The following ATP8A2 variants were observed in gnomAD, a reference collection of about 807,000 sequenced individuals.
ATP8A2 encodes the protein ATPase phospholipid transporting 8A2, also known as phospholipid-transporting ATPase IB.
A neutral mutation model predicts 165.6 loss-of-function variants in ATP8A2; 100 were observed. That is an observed-to-expected ratio of 0.60 (90% confidence interval 0.51 to 0.71). The LOEUF (loss-of-function observed/expected upper bound fraction) is 0.71, where lower values mean the gene tolerates loss of function less well. Ranked by LOEUF, ATP8A2 falls within the 30% of genes least tolerant of loss-of-function variation. The pLI, the probability that ATP8A2 is intolerant of heterozygous loss-of-function variation, is 0.00. For missense variants in ATP8A2, 1,227 were observed against 1,479.5 expected, an observed-to-expected ratio of 0.83 and a Z score of 2.80; for synonymous variants, 543 against 548.8, an observed-to-expected ratio of 0.99 and a Z score of 0.15.
chr13:25,505,748 C>G (rs780377695), intron 2 of ATP8A2, among the ~76,000 whole-genome samples: 1 of 152,104 alleles, frequency 6.6e-6, no homozygotes, highest in South Asian at 2.1e-4. Flanking sequence ...CTCTACATAA[C>G]TTATTATTAT....
chr13:25,500,871 A>C (rs1254014613), intron 2 of ATP8A2, among the ~76,000 whole-genome samples: 3 of 152,180 alleles, frequency 2.0e-5, no homozygotes, highest in Admixed American at 6.5e-5. Context: ...GCCACCTGGC[A>C]CCAATATATA....
At chr13:25,536,355 A>G (rs2038285251) in intron 6 of ATP8A2, among the ~76,000 whole-genome samples, 1 of 151,436 alleles carries the variant, frequency 6.6e-6, no homozygotes, top group Non-Finnish European at 1.5e-5. Flanking sequence ...ACCTCAAGTG[A>G]TCTGCCTGCT....
At chr13:25,540,489 G>A (rs2038437353) in intron 8 of ATP8A2, 101 bp downstream of exon 8, 3 of 855,556 alleles carry the variant, frequency 3.5e-6, no homozygotes, top group East Asian at 2.5e-5. Flanking sequence ...CAGCCACAAA[G>A]GGTTATGCCT....
chr13:25,472,534 G>T (rs1211716098), intron 2 of ATP8A2, among the ~76,000 whole-genome samples: 1 of 152,092 alleles, frequency 6.6e-6, no homozygotes, highest in Non-Finnish European at 1.5e-5. Context: ...TAAAAATAAG[G>T]CCTTTTATCT....
intron 1 of ATP8A2, among the ~76,000 whole-genome samples, chr13:25,452,143 G>A (rs2035246108): frequency 2.0e-5 from 3 of 152,148 alleles, no homozygotes; most frequent in Admixed American, 1.3e-4. Context: ...GTGAGCCACC[G>A]TGCCTGGCCT....
chr13:25,688,208 A>T (rs916826961), intron 24 of ATP8A2, among the ~76,000 whole-genome samples: 2 of 152,156 alleles, frequency 1.3e-5, no homozygotes, highest in African/African-American at 4.8e-5. Context: ...TTCCTGCCTA[A>T]GAGTTAATTA....
chr13:25,698,274 G>A (rs1461280248), intron 24 of ATP8A2, among the ~76,000 whole-genome samples: 1 of 150,974 alleles, frequency 6.6e-6, no homozygotes, highest in Non-Finnish European at 1.5e-5. Context: ...TGTCCAGTCT[G>A]GAGTGGTGTG....
chr13:25,664,950 C>T (rs2042120675), intron 24 of ATP8A2, among the ~76,000 whole-genome samples: 1 of 151,880 alleles, frequency 6.6e-6, no homozygotes, highest in Admixed American at 6.6e-5. Flanking sequence ...ACACTTGGGT[C>T]CAGAATGTTA....
chr13:25,887,719 T>C (rs1953203458), intron 33 of ATP8A2, among the ~76,000 whole-genome samples: 1 of 152,246 alleles, frequency 6.6e-6, no homozygotes, highest in African/African-American at 2.4e-5. Flanking sequence ...GTCTTCTACA[T>C]GCAGGCCCTG....
intron 24 of ATP8A2, among the ~76,000 whole-genome samples, chr13:25,614,183 G>A (rs1021404836): frequency 3.3e-5 from 5 of 151,992 alleles, no homozygotes; most frequent in Admixed American, 1.3e-4. Context: ...AGGTTTGGTC[G>A]TTTAACATAA....
chr13:25,649,570 C>G (rs1163891172), intron 24 of ATP8A2, among the ~76,000 whole-genome samples: 1 of 152,156 alleles, frequency 6.6e-6, no homozygotes, highest in Non-Finnish European at 1.5e-5. Context: ...AACTTTCCCT[C>G]TGCTGTCCCT....
intron 27 of ATP8A2, among the ~76,000 whole-genome samples, chr13:25,779,789 A>G (rs1362126938): frequency 6.6e-6 from 1 of 152,244 alleles, no homozygotes; most frequent in East Asian, 1.9e-4. Context: ...TTTGATGTTG[A>G]CAATGGGAGG....
intron 24 of ATP8A2, among the ~76,000 whole-genome samples, chr13:25,645,471 C>T (rs1410897873): frequency 6.6e-6 from 1 of 152,120 alleles, no homozygotes; most frequent in Admixed American, 6.6e-5. Context: ...TTAGTTTGTT[C>T]TTCTTTTTCT....
rs577587587 is a variant in ATP8A2, at chr13:25,473,551, G to A, written c.221+4430G>A. 1.1e-4 allele frequency among the ~76,000 whole-genome samples: 16 copies of A among 152,206 alleles called. No homozygotes were observed. In the East Asian group the frequency reaches 2.3e-3, roughly 22 times the overall value. ...TTTAAAGGTTTTAGTGCACAATTCAGCCATCTGAAGTATACAATTCAGTGA... is the reference window on the plus strand; with the variant it reads ...TTTAAAGGTTTTAGTGCACAATTCAACCATCTGAAGTATACAATTCAGTGA... On this transcript the variant is annotated intron_variant, in intron 2 of 36. Transcript: ENST00000381655.
chr13:25,700,302 A>G (rs2042924580), intron 25 of ATP8A2, among the ~76,000 whole-genome samples: 2 of 152,188 alleles, frequency 1.3e-5, no homozygotes, highest in Non-Finnish European at 1.5e-5. Flanking sequence ...TCACCTATTG[A>G]AAGCAATTCA....
chr13:25,728,797 G>T (rs1239771077), intron 25 of ATP8A2, among the ~76,000 whole-genome samples: 1 of 152,104 alleles, frequency 6.6e-6, no homozygotes, highest in Non-Finnish European at 1.5e-5. Flanking sequence ...CATCTTCATT[G>T]CATCCTGAGT....
chr13:25,537,039 C>A (rs1354311006), intron 6 of ATP8A2, among the ~76,000 whole-genome samples: 1 of 152,136 alleles, frequency 6.6e-6, no homozygotes, highest in Non-Finnish European at 1.5e-5. Flanking sequence ...TTTGAAAGCC[C>A]CTGTTCTCTC....
At chr13:25,473,121 G>A (rs1272140203) in intron 2 of ATP8A2, among the ~76,000 whole-genome samples, 4 of 152,158 alleles carry the variant, frequency 2.6e-5, no homozygotes. Context: ...AGCACCCCCA[G>A]GGGTATGCAC....
At chr13:25,429,533 T>C (rs1184349529) in intron 1 of ATP8A2, among the ~76,000 whole-genome samples, 1 of 144,630 alleles carries the variant, frequency 6.9e-6, no homozygotes, top group Non-Finnish European at 1.5e-5. Flanking sequence ...CATGCTGCAG[T>C]CATTTGTACC....
Sources: gnomAD v4.1 joint callset for allele counts (sites outside exome capture counted in the v4.1 genomes callset) on GRCh38, gnomAD v4.1.1 for gene constraint, MANE v1.5 for transcripts, NCBI Gene and HGNC (gene_info 2026-07-23, HGNC 2026-07-21) for gene names.